The following DIAPH3 variants were observed in gnomAD, a reference collection of about 807,000 sequenced individuals.
DIAPH3 encodes the protein diaphanous related formin 3, also known as protein diaphanous homolog 3.
A neutral mutation model predicts 144.3 loss-of-function variants in DIAPH3; 117 were observed. The ratio of observed to expected loss-of-function variants is 0.81; its 90% CI spans 0.70 to 0.95. The LOEUF (loss-of-function observed/expected upper bound fraction) is 0.95, where lower values mean the gene tolerates loss of function less well. Ranked by LOEUF, DIAPH3 falls within the 40% of genes least tolerant of loss-of-function variation. DIAPH3 has a pLI of 0.00. For missense variants in DIAPH3, 1,421 were observed against 1,412.7 expected (o/e 1.01, Z -0.09); for synonymous variants, 519 against 488.9 (o/e 1.06, Z -0.81).
At chr13:59,884,795 A>AT (rs1468090617) in intron 20 of DIAPH3, among the ~76,000 whole-genome samples, 3 of 151,716 alleles carry the variant, frequency 2.0e-5, no homozygotes, top group Non-Finnish European at 4.4e-5. Context: ...AAAAAAAAAA[A>AT]AGCTATTCAA....
intron 20 of DIAPH3, among the ~76,000 whole-genome samples, chr13:59,881,000 A>AAG (rs2044995990): frequency 2.0e-5 from 3 of 150,756 alleles, no homozygotes; most frequent in Non-Finnish European, 4.4e-5. Context: ...AAAAAAAAGA[A>AAG]GAAGAAGAAA....
intron 27 of DIAPH3, among the ~76,000 whole-genome samples, chr13:59,670,620 T>C (rs1018201700): frequency 4.6e-5 from 7 of 150,590 alleles, no homozygotes; most frequent in Admixed American, 2.0e-4. Context: ...TCTTGCTCTG[T>C]CGCCCAGGCT....
At chr13:59,711,168 C>T (rs1054300894) in intron 27 of DIAPH3, among the ~76,000 whole-genome samples, 2 of 152,130 alleles carry the variant, frequency 1.3e-5, no homozygotes, top group East Asian at 1.9e-4. Context: ...AAGTACTGAA[C>T]TCATAAAATA....
In DIAPH3 at chr13:60,138,461, C is replaced by T. The variant is rs143201054; in HGVS notation, c.181-5472G>A. Among the ~76,000 whole-genome samples the T allele has an allele frequency of 1.1e-4, 17 of 152,236 alleles. No individual in the cohort carries two copies. In the East Asian group the frequency reaches 3.3e-3, roughly 29 times the overall value. On this transcript the variant is annotated intron_variant, in intron 1 of 27. Coordinates refer to ENST00000400324, the MANE Select transcript of DIAPH3 (RefSeq NM_001042517.2). ...ACATGAAGGGTATAGATAAGAAGTA[C>T]AAGAGTATTTCAAAGAAGTGAAAAC... is the stretch of plus-strand genomic sequence containing the variant.
intron 2 of DIAPH3, among the ~76,000 whole-genome samples, chr13:60,114,674 A>AACAC (rs751301567): frequency 8.1e-6 from 1 of 122,780 alleles, no homozygotes; most frequent in Non-Finnish European, 1.8e-5. Context: ...CACACACACA[A>AACAC]ACACACACAC....
At chr13:59,711,083 C>G (rs1013642009) in intron 27 of DIAPH3, among the ~76,000 whole-genome samples, 1 of 152,308 alleles carries the variant, frequency 6.6e-6, no homozygotes, top group Admixed American at 6.5e-5. Context: ...CTTAAATTGA[C>G]TTTATGAAAT....
intron 5 of DIAPH3, among the ~76,000 whole-genome samples, chr13:60,036,584 G>C (rs2055243163): frequency 6.6e-6 from 1 of 151,664 alleles, no homozygotes; most frequent in Non-Finnish European, 1.5e-5. Context: ...GAAAAACAAA[G>C]GAAAGGAAAA....
intron 5 of DIAPH3, among the ~76,000 whole-genome samples, chr13:60,037,322 T>C (rs1407414872): frequency 2.0e-5 from 3 of 151,932 alleles, no homozygotes; most frequent in Admixed American, 6.6e-5. Context: ...GAAACATATA[T>C]ACATATACAC....
At chr13:59,789,398 T>G (rs946360097) in intron 25 of DIAPH3, among the ~76,000 whole-genome samples, 7 of 151,902 alleles carry the variant, frequency 4.6e-5, no homozygotes, top group Admixed American at 6.6e-5. Flanking sequence ...GAAAATATAT[T>G]AGGATTTGTT....
intron 5 of DIAPH3, among the ~76,000 whole-genome samples, chr13:60,027,904 A>G (rs2818944): frequency 0.97 from 148,024 of 152,172 alleles, 72,021 homozygotes; most frequent in East Asian, 1. Flanking sequence ...CAGGCTTTTC[A>G]CCGCTTGTCC....
intron 27 of DIAPH3, among the ~76,000 whole-genome samples, chr13:59,732,266 T>C (rs1249129345): frequency 6.6e-6 from 1 of 151,800 alleles, no homozygotes; most frequent in Middle Eastern, 3.2e-3. Flanking sequence ...ATCTATATTC[T>C]TCTCACTAGT....
intron 27 of DIAPH3, among the ~76,000 whole-genome samples, chr13:59,708,103 C>T (rs999258461): frequency 3.9e-5 from 6 of 152,000 alleles, no homozygotes; most frequent in African/African-American, 1.2e-4. Flanking sequence ...GGCTCTGTCA[C>T]CCAAGCTGGT....
At chr13:59,760,237 A>T (rs1298971573) in intron 27 of DIAPH3, among the ~76,000 whole-genome samples, 1 of 152,194 alleles carries the variant, frequency 6.6e-6, no homozygotes, top group Non-Finnish European at 1.5e-5. Flanking sequence ...CTTTTTCTTT[A>T]TATTTTCTCC....
chr13:60,087,401 A>G (rs1165786227), intron 4 of DIAPH3, among the ~76,000 whole-genome samples: 1 of 152,204 alleles, frequency 6.6e-6, no homozygotes, highest in Non-Finnish European at 1.5e-5. Flanking sequence ...AAATACTTTT[A>G]AACACTATAT....
Position 59,970,992 on chromosome 13 carries a change from T to G in DIAPH3, c.1819A>C (p.Ser607Arg). 6.2e-7 allele frequency: 1 copy of G among 1,613,644 alleles called. No individual in the cohort carries two copies. The highest frequency in any genetic ancestry group is 8.5e-7 in the Non-Finnish European group (1 of 1,179,912). The change falls in exon 16 of 28, where the codon AGT becomes CGT. Residue 607 changes from serine (S) to arginine (R), a missense_variant. Physicochemically the swap from Ser to Arg is moderately radical, Grantham distance 110. Transcript: ENST00000400324. ...GGAGGTGGTGGAGGCACAGGACCAC[T>G]GAATGGCATCCGCATTCCTGGAAGT... Reference protein sequence around the residue: ...PPLPGMRMPFSGPVPPPPPLG... With the variant: ...PPLPGMRMPFRGPVPPPPPLG...
chr13:60,077,502 T>C (rs1363038452), intron 4 of DIAPH3, among the ~76,000 whole-genome samples: 1 of 152,070 alleles, frequency 6.6e-6, no homozygotes, highest in Non-Finnish European at 1.5e-5. Context: ...CAGAATAAAA[T>C]TAATTTATGA....
intron 17 of DIAPH3, among the ~76,000 whole-genome samples, chr13:59,931,293 C>T (rs1164985992): frequency 6.6e-6 from 1 of 152,132 alleles, no homozygotes; most frequent in African/African-American, 2.4e-5. Flanking sequence ...TATTTTTTCA[C>T]CTGGACCACA....
chr13:60,026,771 G>C (rs903697879), intron 5 of DIAPH3, among the ~76,000 whole-genome samples: 14 of 151,962 alleles, frequency 9.2e-5, no homozygotes, highest in Non-Finnish European at 1.9e-4. Context: ...TATTTAAGTA[G>C]ATAATATTAT....
In DIAPH3 at chr13:59,799,375, G is replaced by GCACACACA. The variant is rs56979042; in HGVS notation, c.3163+11405_3163+11412dup. Among the ~76,000 whole-genome samples the GCACACACA allele has an allele frequency of 1.4e-3, 196 of 139,362 alleles. 1 individual carries two copies. The highest frequency in any genetic ancestry group is 3.7e-3 in the Middle Eastern group (1 of 270). 91.4% of individuals were successfully genotyped at this position (139,362 alleles called of 152,430 possible). A position where few individuals can be genotyped will look rare whatever the true frequency, so the allele number is the denominator to read the frequency against. The stretch of plus-strand genomic sequence containing the variant: ...TCTCTACTGAAATTACTGGAAATAT[G>GCACACACA]CACACACACACACACACACACACAC... On this transcript the variant is annotated intron_variant, in intron 25 of 27. Transcript: ENST00000400324.
Sources: gnomAD v4.1 joint callset for allele counts (sites outside exome capture counted in the v4.1 genomes callset) on GRCh38, gnomAD v4.1.1 for gene constraint, MANE v1.5 for transcripts, NCBI Gene and HGNC (gene_info 2026-07-23, HGNC 2026-07-21) for gene names.